The following DLGAP2 variants were observed in gnomAD, a reference collection of about 807,000 sequenced individuals.
DLGAP2 encodes the protein disks large-associated protein 2.
Under a neutral mutation model 100.3 loss-of-function variants are expected in DLGAP2, and 26 were observed. That is an observed-to-expected ratio of 0.26 (90% CI 0.19 to 0.36). The LOEUF is 0.36. DLGAP2 is among the 10% of genes least tolerant of loss of function. The pLI is 1.00. For missense variants in DLGAP2, 1,858 were observed against 1,453.2 expected, an observed-to-expected ratio of 1.28 and a Z score of -4.53; for synonymous variants, 886 against 630.1, an observed-to-expected ratio of 1.41 and a Z score of -6.08.
intron 1 of DLGAP2, among the ~76,000 whole-genome samples, chr8:783,201 G>A (rs1315377172): frequency 1.3e-5 from 2 of 151,992 alleles, no homozygotes; most frequent in Non-Finnish European, 2.9e-5. Context: ...TCTTTTTTGC[G>A]CTGCTTAGGA....
chr8:1,688,466 G>C (rs1799170072), intron 12 of DLGAP2: 1 of 152,182 alleles, frequency 6.6e-6, no homozygotes, highest in South Asian at 2.1e-4. Flanking sequence ...GGAGAATTAG[G>C]TGATATTCAG....
rs1202987415 is a variant in DLGAP2, at chr8:1,701,327, C to A, written c.3089C>A (p.Ala1030Glu). Residue 1030 changes from alanine to glutamate, a missense_variant, in exon 15 of 15, where the codon GCG becomes GAG. By Grantham distance (107) the Ala-to-Glu change is moderately radical. Coordinates refer to ENST00000637795, the MANE Select transcript of DLGAP2 (RefSeq NM_001346810.2). ...RRRLMAAKRA[A>E]SFRQNSASER... The stretch of plus-strand genomic sequence containing the variant: ...CGCCTCATGGCCGCCAAGCGAGCGG[C>A]GTCCTTCCGGCAGAATTCCGCCTCC... 6.3e-7 allele frequency: 1 copy of A among 1,590,744 alleles called. No homozygotes were observed. Among genetic ancestry groups the A allele is most frequent in the South Asian group, 1.1e-5 (1 of 87,458 alleles).
At chr8:1,351,337 A>ACT (rs1451123621) in intron 3 of DLGAP2, among the ~76,000 whole-genome samples, 1 of 18,286 alleles carries the variant, frequency 5.5e-5, no homozygotes, top group Non-Finnish European at 1.1e-4. Flanking sequence ...GCGGGTCCTG[A>ACT]GTGTGGAACG....
At chr8:1,463,758 C>T (rs1358756359) in intron 3 of DLGAP2, among the ~76,000 whole-genome samples, 2 of 152,272 alleles carry the variant, frequency 1.3e-5, no homozygotes, top group African/African-American at 4.8e-5. Flanking sequence ...CCTCCTCCGT[C>T]AGATGGGCCT....
At chr8:748,703 G>A (rs568205067) in intron 1 of DLGAP2, among the ~76,000 whole-genome samples, 1 of 152,316 alleles carries the variant, frequency 6.6e-6, no homozygotes, top group East Asian at 1.9e-4. Context: ...TGGCACACAG[G>A]TGTTCTGCAC....
intron 3 of DLGAP2, among the ~76,000 whole-genome samples, chr8:1,491,163 T>C (rs1257733070): frequency 6.7e-6 from 1 of 148,954 alleles, no homozygotes; most frequent in Non-Finnish European, 1.5e-5. Context: ...CCCAGTTAGG[T>C]TTGCATTTCA....
At chr8:1,546,730 G>C (rs753492789) in intron 4 of DLGAP2, among the ~76,000 whole-genome samples, 1 of 152,134 alleles carries the variant, frequency 6.6e-6, no homozygotes, top group Non-Finnish European at 1.5e-5. Context: ...TCCAAGCGCA[G>C]GGCATGATGG....
chr8:1,118,802 T>C (rs1216903308), intron 2 of DLGAP2, among the ~76,000 whole-genome samples: 3 of 152,210 alleles, frequency 2.0e-5, no homozygotes, highest in African/African-American at 7.2e-5. Flanking sequence ...TTGGGTGAGT[T>C]CTTCATGGCT....
intron 3 of DLGAP2, among the ~76,000 whole-genome samples, chr8:1,259,164 C>A (rs539493188): frequency 5.6e-4 from 85 of 152,324 alleles, no homozygotes; most frequent in Middle Eastern, 3.4e-3. Flanking sequence ...CCATCAGTTT[C>A]TGTGAGGTAA....
intron 6 of DLGAP2, among the ~76,000 whole-genome samples, chr8:1,589,094 TA>T (rs1796214726): frequency 6.6e-6 from 1 of 152,338 alleles, no homozygotes; most frequent in South Asian, 2.1e-4. Flanking sequence ...GAATGCACAG[TA>T]ATCCCAATGG....
intron 4 of DLGAP2, among the ~76,000 whole-genome samples, chr8:1,544,060 G>A (rs180780200): frequency 1.1e-3 from 166 of 152,084 alleles, no homozygotes; most frequent in African/African-American, 3.8e-3. Flanking sequence ...CTACTACTAT[G>A]CCTGGCTAAT....
rs966258797 is a variant in DLGAP2, at chr8:1,329,078, TGACAAGC to T, written c.106+70206_106+70212del. Among the ~76,000 whole-genome samples the T allele has an allele frequency of 1.7e-4, 26 of 151,622 alleles. 2 individuals carry two copies. In the East Asian group the frequency reaches 4.9e-3, roughly 28 times the overall value. On this transcript the variant is annotated intron_variant, in intron 3 of 14. Coordinates refer to ENST00000637795, the MANE Select transcript of DLGAP2 (RefSeq NM_001346810.2). ...TGGCTAAACTGCGACAGGCGACAGG[TGACAAGC>T]GACAAGCGACGAGTGGGAAGAAAAG...
intron 1 of DLGAP2, among the ~76,000 whole-genome samples, chr8:765,658 C>T (rs539936014): frequency 9.9e-5 from 15 of 152,214 alleles, no homozygotes; most frequent in South Asian, 8.3e-4. Context: ...ACAAGGGTCA[C>T]GTTTGGGACC....
At chr8:1,691,658 T>A (rs746661479) in intron 13 of DLGAP2, 32 bp downstream of exon 13, 2 of 1,557,242 alleles carry the variant, frequency 1.3e-6, no homozygotes, top group South Asian at 2.3e-5. Flanking sequence ...CCCTGTTCCC[T>A]GTAACCAAGC....
chr8:1,485,589 G>A (rs551570624), intron 3 of DLGAP2, among the ~76,000 whole-genome samples: 50 of 152,332 alleles, frequency 3.3e-4, no homozygotes, highest in Non-Finnish European at 5.7e-4. Flanking sequence ...GTTTATCCCC[G>A]TTCTTGGTTC....
chr8:1,472,977 C>A (rs557205502), intron 3 of DLGAP2, among the ~76,000 whole-genome samples: 1 of 152,254 alleles, frequency 6.6e-6, no homozygotes, highest in African/African-American at 2.4e-5. Flanking sequence ...TTTGTCCAGG[C>A]TGGAGTGCAG....
At chr8:1,343,847 G>C (rs1801477370) in intron 3 of DLGAP2, among the ~76,000 whole-genome samples, 1 of 152,112 alleles carries the variant, frequency 6.6e-6, no homozygotes. Flanking sequence ...AGCAGATGAT[G>C]CTCCAATTCC....
chr8:1,202,386 C>T (rs559262957), intron 2 of DLGAP2, among the ~76,000 whole-genome samples: 2 of 151,906 alleles, frequency 1.3e-5, no homozygotes, highest in South Asian at 2.1e-4. Context: ...GTGCAGTGGA[C>T]GTCCATGCTG....
intron 3 of DLGAP2, among the ~76,000 whole-genome samples, chr8:1,264,279 G>T (rs973523457): frequency 6.6e-6 from 1 of 152,158 alleles, no homozygotes; most frequent in East Asian, 1.9e-4. Flanking sequence ...AAAGGGGCCT[G>T]GGATGGGGCT....
Sources: allele counts gnomAD v4.1 joint callset (sites outside exome capture counted in the v4.1 genomes callset), GRCh38; gene constraint gnomAD v4.1.1; transcripts MANE v1.5; gene names NCBI Gene and HGNC (gene_info 2026-07-23, HGNC 2026-07-21).